Variants in ZCWPW2 observed in about 807,000 individuals in gnomAD.
The protein encoded by ZCWPW2 is zinc finger CW-type PWWP domain protein 2.
In ZCWPW2, 45 loss-of-function variants were observed where a neutral mutation model predicts 46.6. That is an observed-to-expected ratio of 0.96 (90% CI 0.76 to 1.24). The LOEUF (loss-of-function observed/expected upper bound fraction) is 1.24. ZCWPW2 is among the 50% of genes most tolerant of loss of function. The pLI, the probability that ZCWPW2 is intolerant of heterozygous loss-of-function variation, is 0.00. For synonymous variants in ZCWPW2, 152 were observed against 137.1 expected (o/e 1.11, Z -0.76); for missense variants, 429 against 403.9 (o/e 1.06, Z -0.53).
At chr3:28,423,735 G>C (rs1696893979) in intron 3 of ZCWPW2, among the ~76,000 whole-genome samples, 1 of 152,040 alleles carries the variant, frequency 6.6e-6, no homozygotes, top group South Asian at 2.1e-4. Context: ...TCCAACACTT[G>C]CAGATTTTGT....
In ZCWPW2 at chr3:28,492,173, G is replaced by T; in HGVS notation, c.657G>T (p.Arg219Ser). 4.4e-6 allele frequency: 7 copies of T among 1,600,436 alleles called. No homozygotes were observed. The highest frequency in any genetic ancestry group is 6.0e-6 in the Non-Finnish European group (7 of 1,173,802). The change falls in exon 6 of 10, where the codon AGG (arginine) becomes AGT (serine). Residue 219 changes from arginine to serine, a missense_variant and splice_region_variant. Transcript: ENST00000383768. ...AAGTTGCTGCACTGGTCAAGAAAAG[G>T]GTAAGATTGTGTTTTATTATATAAA... ...HDKVAALVKK[R>S]KQTSKNNIEK... is the part of the protein sequence containing the mutation.
chr3:28,509,940 A>C (rs1700383050), intron 6 of ZCWPW2, among the ~76,000 whole-genome samples: 3 of 152,250 alleles, frequency 2.0e-5, no homozygotes, highest in Admixed American at 2.0e-4. Flanking sequence ...GAGAGTTGTA[A>C]GTTTTATCTC....
intron 6 of ZCWPW2, among the ~76,000 whole-genome samples, chr3:28,509,529 T>G (rs987153327): frequency 6.6e-6 from 1 of 152,160 alleles, no homozygotes; most frequent in Non-Finnish European, 1.5e-5. Flanking sequence ...GCTATCCTAG[T>G]GGGTTGAAGT....
intron 1 of ZCWPW2, among the ~76,000 whole-genome samples, chr3:28,380,653 G>T (rs1262459865): frequency 1.3e-5 from 2 of 151,718 alleles, no homozygotes; most frequent in Non-Finnish European, 2.9e-5. Context: ...AGTTTTTCTG[G>T]AAACATGAAT....
chr3:28,491,134 G>A (rs1026714547), intron 5 of ZCWPW2, among the ~76,000 whole-genome samples: 1 of 152,074 alleles, frequency 6.6e-6, no homozygotes, highest in African/African-American at 2.4e-5. Context: ...AAGAGGTGGA[G>A]TTTTATCCTA....
At chr3:28,369,431 T>C (rs959958989) in intron 1 of ZCWPW2, among the ~76,000 whole-genome samples, 3 of 152,174 alleles carry the variant, frequency 2.0e-5, no homozygotes, top group African/African-American at 7.2e-5. Context: ...CTCCAGACCC[T>C]TTTTACCTGG....
chr3:28,390,483 G>A lies in ZCWPW2; in HGVS notation c.-133-15G>A. 5.1e-6 allele frequency: 5 copies of A among 985,016 alleles called. No individual in the cohort carries two copies. Among genetic ancestry groups the A allele is most frequent in the Non-Finnish European group, 6.0e-6 (5 of 829,666 alleles). 61.0% of individuals were successfully genotyped at this position (985,016 alleles called of 1,614,324 possible). A position where few individuals can be genotyped will look rare whatever the true frequency, so the allele number is the denominator to read the frequency against. Reference sequence around the variant, plus strand: ...ATAGTTTTAAATTTGCTAGATTGATGTATAACTTCTTCAGATTCATCCCAG... The same window carrying A: ...ATAGTTTTAAATTTGCTAGATTGATATATAACTTCTTCAGATTCATCCCAG... On this transcript the variant is annotated splice_polypyrimidine_tract_variant and intron_variant, in intron 1 of 9. Transcript: ENST00000383768.
chr3:28,403,025 A>G (rs1696013720), intron 2 of ZCWPW2, among the ~76,000 whole-genome samples: 1 of 152,182 alleles, frequency 6.6e-6, no homozygotes, highest in African/African-American at 2.4e-5. Context: ...TCTCTTCCAC[A>G]TAGTACTGGA....
At chr3:28,461,666 C>G (rs977250797) in intron 4 of ZCWPW2, 10 of 152,210 alleles carry the variant, frequency 6.6e-5, no homozygotes, top group African/African-American at 1.7e-4. Flanking sequence ...AATATTTACT[C>G]AACTCCTATT....
intron 4 of ZCWPW2, among the ~76,000 whole-genome samples, chr3:28,469,988 C>T (rs1303307364): frequency 3.3e-5 from 5 of 152,146 alleles, no homozygotes; most frequent in African/African-American, 9.7e-5. Flanking sequence ...TTCTTTTCCT[C>T]AGCACATGGA....
At chr3:28,497,396 G>A (rs539554297) in intron 6 of ZCWPW2, among the ~76,000 whole-genome samples, 4 of 151,932 alleles carry the variant, frequency 2.6e-5, no homozygotes, top group Admixed American at 6.6e-5. Context: ...TACCATAGTA[G>A]ATGTATCAAA....
intron 4 of ZCWPW2, chr3:28,461,030 A>G: frequency 3.9e-6 from 1 of 256,944 alleles, no homozygotes; most frequent in Non-Finnish European, 8.9e-6. Context: ...AATTTAAAGT[A>G]ATGATCAATA....
At chr3:28,488,068 C>T (rs989953595) in intron 5 of ZCWPW2, among the ~76,000 whole-genome samples, 7 of 152,124 alleles carry the variant, frequency 4.6e-5, no homozygotes, top group Non-Finnish European at 7.4e-5. Context: ...GGAGATATTT[C>T]CCTAATCTTC....
intron 1 of ZCWPW2, among the ~76,000 whole-genome samples, chr3:28,377,859 A>C (rs957596394): frequency 1.3e-5 from 2 of 152,202 alleles, no homozygotes; most frequent in South Asian, 4.1e-4. Flanking sequence ...ATTTGGAGTT[A>C]GCATTTTAGC....
At chr3:28,430,828 G>T (rs1381689628) in intron 3 of ZCWPW2, among the ~76,000 whole-genome samples, 1 of 151,970 alleles carries the variant, frequency 6.6e-6, no homozygotes, top group Non-Finnish European at 1.5e-5. Context: ...CTCTCCTGCT[G>T]CCATGTGAAG....
intron 1 of ZCWPW2, among the ~76,000 whole-genome samples, chr3:28,367,861 A>G (rs1425751298): frequency 6.6e-6 from 1 of 152,110 alleles, no homozygotes; most frequent in Non-Finnish European, 1.5e-5. Context: ...TAGGATAGTT[A>G]GTTCTTCTTG....
chr3:28,362,456 G>A (rs565642005), intron 1 of ZCWPW2, among the ~76,000 whole-genome samples: 10 of 152,162 alleles, frequency 6.6e-5, no homozygotes, highest in African/African-American at 2.4e-4. Context: ...CATACATGCG[G>A]CCAACAAGCA....
In ZCWPW2 at chr3:28,437,037, C is replaced by T. The variant is rs1409220863; in HGVS notation, c.492+1768C>T. Among the ~76,000 whole-genome samples the T allele has an allele frequency of 2.6e-5, 4 of 152,138 alleles. No individual in the cohort carries two copies. In the East Asian group the frequency reaches 7.7e-4, roughly 29 times the overall value. Reference sequence around the variant, plus strand: ...TTCCACTTTGGAGCTCCTATATCCTCAAATGCTGTCTCTATACTGCACCAC... The same window carrying T: ...TTCCACTTTGGAGCTCCTATATCCTTAAATGCTGTCTCTATACTGCACCAC... On this transcript the variant is annotated intron_variant, in intron 4 of 9. Coordinates refer to ENST00000383768, the MANE Select transcript of ZCWPW2 (RefSeq NM_001040432.4).
chr3:28,411,435 A>T lies in ZCWPW2; in HGVS notation c.-13-1621A>T, dbSNP rs555659823. Among the ~76,000 whole-genome samples, 10 of 152,104 alleles carry T rather than the reference A, an allele frequency of 6.6e-5. No individual in the cohort carries two copies. In the South Asian group the frequency reaches 2.1e-3, roughly 32 times the overall value. On this transcript the variant is annotated intron_variant, in intron 2 of 9. Transcript: ENST00000383768. ...TCTACAAAAACCGTACTCCCAACAT[A>T]ACAAACATTCGAAGCATTCTCTTTA...
Sources: gnomAD v4.1 joint callset for allele counts (sites outside exome capture counted in the v4.1 genomes callset) on GRCh38, gnomAD v4.1.1 for gene constraint, MANE v1.5 for transcripts, NCBI Gene and HGNC (gene_info 2026-07-23, HGNC 2026-07-21) for gene names.